GALNTL6: variants seen among roughly 807,000 people sequenced by gnomAD.
GALNTL6 encodes polypeptide N-acetylgalactosaminyltransferase like 6.
A neutral mutation model predicts 73.7 loss-of-function variants in GALNTL6; 46 were observed. That is an observed-to-expected ratio of 0.62 (90% CI 0.49 to 0.80). GALNTL6 has a LOEUF of 0.80. Ranked by LOEUF, GALNTL6 falls within the 30% of genes least tolerant of loss-of-function variation. GALNTL6 has a pLI of 0.00. For synonymous variants in GALNTL6, 259 were observed against 263.7 expected (o/e 0.98, Z 0.17); for missense variants, 604 against 755.0 (o/e 0.80, Z 2.34).
At chr4:172,861,645 C>T (rs1171195767) in intron 7 of GALNTL6, among the ~76,000 whole-genome samples, 4 of 152,154 alleles carry the variant, frequency 2.6e-5, no homozygotes, top group African/African-American at 9.7e-5. Context: ...CCCATAATTC[C>T]CACATGTCAT....
At chr4:172,293,511 A>G (rs1029761126) in intron 3 of GALNTL6, among the ~76,000 whole-genome samples, 3 of 152,096 alleles carry the variant, frequency 2.0e-5, no homozygotes, top group Non-Finnish European at 4.4e-5. Context: ...TTTCAAGCAA[A>G]CACCAATAAT....
chr4:172,001,685 C>T (rs1029563987), intron 2 of GALNTL6, among the ~76,000 whole-genome samples: 6 of 152,018 alleles, frequency 3.9e-5, no homozygotes, highest in Non-Finnish European at 7.4e-5. Flanking sequence ...TCAGTAAGTC[C>T]GCTCTATGCA....
chr4:172,416,198 G>A (rs887223629), intron 5 of GALNTL6, among the ~76,000 whole-genome samples: 18 of 152,110 alleles, frequency 1.2e-4, no homozygotes, highest in Non-Finnish European at 1.6e-4. Context: ...AACATTAGAC[G>A]TAGGTGAAGA....
rs188736971 is a variant in GALNTL6 at position 172,592,029 on chromosome 4, G to A, written c.554-217332G>A. Among the ~76,000 whole-genome samples the A allele has an allele frequency of 3.7e-3, 556 of 152,300 alleles. 2 individuals are homozygous for A. Among genetic ancestry groups the A allele is most frequent in the Middle Eastern group, 6.8e-3 (2 of 294 alleles). On this transcript the variant is annotated intron_variant, in intron 5 of 12. Transcript: ENST00000506823. The stretch of plus-strand genomic sequence containing the variant: ...TGCATTAAAAGCAGCTGATGAGCTT[G>A]CCTACTGTCTTACTCCATTTTGTGT...
At chr4:172,035,375 G>T (rs555961089) in intron 2 of GALNTL6, among the ~76,000 whole-genome samples, 41 of 152,102 alleles carry the variant, frequency 2.7e-4, no homozygotes, top group African/African-American at 7.9e-4. Context: ...AGTAATATCA[G>T]AATAAAAATT....
chr4:172,301,076 T>C (rs184339214), intron 3 of GALNTL6, among the ~76,000 whole-genome samples: 19 of 152,332 alleles, frequency 1.2e-4, no homozygotes, highest in Middle Eastern at 3.4e-3. Context: ...CTTTTTATTC[T>C]TTTTTCTCTA....
At chr4:172,209,443 C>CAA (rs35780511) in intron 2 of GALNTL6, among the ~76,000 whole-genome samples, 12 of 135,226 alleles carry the variant, frequency 8.9e-5, no homozygotes, top group African/African-American at 3.1e-4. Flanking sequence ...GGTCTCTGGT[C>CAA]AAAAAAAAAA....
rs1294921362 is a variant in GALNTL6 at position 171,998,910 on chromosome 4, T to G, written c.138+184192T>G. Among the ~76,000 whole-genome samples the G allele has an allele frequency of 7.9e-5, 12 of 152,276 alleles. 1 individual carries two copies. In the East Asian group the frequency reaches 1.9e-3, roughly 24 times the overall value. ...TAGTGATTCTGTCAGGTCCACCCTC[T>G]GCTATGTCCAGCCTTTGTCCTAGGA... On this transcript the variant is annotated intron_variant, in intron 2 of 12. Transcript: ENST00000506823.
intron 5 of GALNTL6, among the ~76,000 whole-genome samples, chr4:172,499,690 C>T (rs567889803): frequency 1.3e-5 from 2 of 152,110 alleles, no homozygotes; most frequent in Non-Finnish European, 2.9e-5. Context: ...AATGCTTCAC[C>T]TAACAGTAAA....
chr4:172,771,692 T>C (rs148938487), intron 5 of GALNTL6, among the ~76,000 whole-genome samples: 2 of 152,304 alleles, frequency 1.3e-5, no homozygotes, highest in African/African-American at 2.4e-5. Flanking sequence ...TCAGAAACTC[T>C]TGGGATGTTT....
chr4:172,663,822 C>T (rs1156664289), intron 5 of GALNTL6, among the ~76,000 whole-genome samples: 1 of 151,266 alleles, frequency 6.6e-6, no homozygotes, highest in East Asian at 1.9e-4. Context: ...CCCAGCTACT[C>T]GGGAGGCTGA....
chr4:172,323,868 C>T (rs145531057), intron 4 of GALNTL6, among the ~76,000 whole-genome samples: 1 of 152,088 alleles, frequency 6.6e-6, no homozygotes, highest in Non-Finnish European at 1.5e-5. Flanking sequence ...CATTTTTGCT[C>T]TAGCCATGAG....
At chr4:172,385,402 A>C (rs1743429558) in intron 5 of GALNTL6, among the ~76,000 whole-genome samples, 1 of 152,052 alleles carries the variant, frequency 6.6e-6, no homozygotes, top group Non-Finnish European at 1.5e-5. Flanking sequence ...TCACTGAATT[A>C]TCAATTAGTC....
At chr4:172,954,017 A>G (rs1197484864) in intron 10 of GALNTL6, among the ~76,000 whole-genome samples, 1 of 152,126 alleles carries the variant, frequency 6.6e-6, no homozygotes, top group Non-Finnish European at 1.5e-5. Flanking sequence ...TCTGTTTGTC[A>G]TCTTTCTATG....
chr4:172,494,299 A>G (rs1180822716), intron 5 of GALNTL6, among the ~76,000 whole-genome samples: 2 of 152,206 alleles, frequency 1.3e-5, no homozygotes, highest in Non-Finnish European at 2.9e-5. Context: ...TGGGGATTAA[A>G]TAAGTTAAAT....
At chr4:172,808,616 G>C (rs1165518197) in intron 5 of GALNTL6, among the ~76,000 whole-genome samples, 1 of 152,182 alleles carries the variant, frequency 6.6e-6, no homozygotes, top group Non-Finnish European at 1.5e-5. Context: ...TAAGAACTGA[G>C]AGCTTGATGC....
intron 8 of GALNTL6, among the ~76,000 whole-genome samples, chr4:172,927,377 A>G (rs774379984): frequency 1.3e-5 from 2 of 152,242 alleles, no homozygotes; most frequent in Admixed American, 6.5e-5. Context: ...GATGAAATCT[A>G]TGAGTGATCC....
chr4:172,420,867 A>G (rs571973625), intron 5 of GALNTL6, among the ~76,000 whole-genome samples: 1 of 152,148 alleles, frequency 6.6e-6, no homozygotes, highest in Admixed American at 6.6e-5. Context: ...CTTTTCAGGG[A>G]CATGGATGAA....
At chr4:172,479,139 T>TC (rs1392288758) in intron 5 of GALNTL6, among the ~76,000 whole-genome samples, 4 of 152,152 alleles carry the variant, frequency 2.6e-5, no homozygotes, top group African/African-American at 9.7e-5. Flanking sequence ...GCTCTACTGT[T>TC]CCATCCGGGA....
Sources: gnomAD v4.1 joint callset for allele counts (sites outside exome capture counted in the v4.1 genomes callset) on GRCh38, gnomAD v4.1.1 for gene constraint, MANE v1.5 for transcripts, NCBI Gene and HGNC (gene_info 2026-07-23, HGNC 2026-07-21) for gene names.